FRMPD1: variants seen among roughly 807,000 people sequenced by gnomAD.
The protein encoded by FRMPD1 is FERM and PDZ domain containing 1, also known as FERM and PDZ domain-containing protein 1.
A neutral mutation model predicts 117.8 loss-of-function variants in FRMPD1; 76 were observed. That is an observed-to-expected ratio of 0.65 (90% CI 0.54 to 0.78). The LOEUF is 0.78. Ranked by LOEUF, FRMPD1 falls within the 30% of genes least tolerant of loss-of-function variation. FRMPD1 has a pLI of 0.00. For synonymous variants in FRMPD1, 783 were observed against 770.4 expected (o/e 1.02, Z -0.27); for missense variants, 1,786 against 1,964.5 (o/e 0.91, Z 1.72).
chr9:37,707,273 A>G, intron 2 of FRMPD1, 143 bp from the exon 3 acceptor site: 1 of 614,644 alleles, frequency 1.6e-6, no homozygotes, highest in African/African-American at 1.8e-5. Context: ...CTGCTAGTGG[A>G]GTTGGTGTCT....
intron 4 of FRMPD1, among the ~76,000 whole-genome samples, chr9:37,710,959 C>CAAAA (rs33962036): frequency 3.7e-5 from 4 of 106,940 alleles, no homozygotes; most frequent in Non-Finnish European, 4.0e-5. Context: ...CTCTGTCTCA[C>CAAAA]AAAAAAAAAA....
chr9:37,731,137 G>A, intron 9 of FRMPD1, 34 bp downstream of exon 9: 2 of 1,606,464 alleles, frequency 1.2e-6, no homozygotes, highest in Non-Finnish European at 8.5e-7. Context: ...AATAACAGTG[G>A]TTGTTCTCAA....
At chr9:37,717,379 ATATTTTTT>A (rs1203206784) in intron 5 of FRMPD1, among the ~76,000 whole-genome samples, 1 of 113,900 alleles carries the variant, frequency 8.8e-6, no homozygotes, top group African/African-American at 3.5e-5. Context: ...GTATATATAT[ATATTTTTT>A]TTTTTTTTTT....
At chr9:37,660,311 T>C (rs960347190) in intron 1 of FRMPD1, among the ~76,000 whole-genome samples, 7 of 152,032 alleles carry the variant, frequency 4.6e-5, no homozygotes, top group Admixed American at 3.3e-4. Context: ...CAGGGAGATC[T>C]AGGAGGGCTT....
the FRMPD1 span, among the ~76,000 whole-genome samples, chr9:37,622,685 A>G: frequency 6.6e-6 from 1 of 152,242 alleles, no homozygotes; most frequent in African/African-American, 2.4e-5. Flanking sequence ...TGATTCAGCC[A>G]TTCAGCTTGT....
At chr9:37,685,396 C>A (rs1252757367) in intron 1 of FRMPD1, among the ~76,000 whole-genome samples, 2 of 152,164 alleles carry the variant, frequency 1.3e-5, no homozygotes, top group East Asian at 3.9e-4. Context: ...GTAATCCCAG[C>A]ACTTTGGGAG....
chr9:37,660,397 T>G (rs1719631892), intron 1 of FRMPD1, among the ~76,000 whole-genome samples: 1 of 151,896 alleles, frequency 6.6e-6, no homozygotes, highest in Admixed American at 6.6e-5. Flanking sequence ...GATAGAACAG[T>G]GTATCCAAAG....
chr9:37,648,244 A>C (rs1054531890), upstream of FRMPD1, among the ~76,000 whole-genome samples: 1 of 152,000 alleles, frequency 6.6e-6, no homozygotes, highest in Admixed American at 6.5e-5. Flanking sequence ...ATTTGAACCT[A>C]GGCAGTTTGG....
intron 15 of FRMPD1, among the ~76,000 whole-genome samples, chr9:37,742,323 A>G (rs531287169): frequency 1.4e-3 from 220 of 152,338 alleles, no homozygotes; most frequent in African/African-American, 5.0e-3. Flanking sequence ...TGTGGCAGAA[A>G]CCATCAGTCA....
chr9:37,713,520 G>A (rs1169672792), intron 5 of FRMPD1, among the ~76,000 whole-genome samples: 1 of 152,002 alleles, frequency 6.6e-6, no homozygotes, highest in Non-Finnish European at 1.5e-5. Flanking sequence ...AGCCCAGGAA[G>A]TCGAGGCTGC....
rs372911565 is a variant in FRMPD1, at chr9:37,733,619, C to G, written c.1122+20C>G. ...CAGAAGGTAATGAAGGTGCCTCTGC[C>G]GACCCACTCAGCTGTCGTCTGTGAA... On this transcript the variant is annotated intron_variant, in intron 11 of 15. Transcript: ENST00000377765. The G allele has an allele frequency of 1.9e-6, 3 of 1,612,912 alleles. No individual in the cohort carries two copies. The South Asian group carries it at 3.3e-5, about 18-fold the overall frequency.
In FRMPD1 at chr9:37,740,730, G is replaced by A. The variant is rs756025044; in HGVS notation, c.2202G>A (p.Pro734=). 2.1e-5 allele frequency: 34 copies of A among 1,613,970 alleles called. No homozygotes were observed. In the East Asian group the frequency reaches 4.9e-4, roughly 23 times the overall value. The change falls in exon 15 of 16, where the codon CCG becomes CCA. Residue 734 remains proline, a synonymous_variant. Transcript: ENST00000377765. This position sits in a 1 kb window ranked among gnomAD's most constrained non-coding sequence, Gnocchi z 4.2. ...ESTASRQGGA[P]PAWGQQGWTE... is the part of the protein sequence containing the mutation. ...CAGCTTCCCGGCAAGGGGGAGCCCCGCCAGCCTGGGGTCAGCAGGGCTGGA... is the reference window on the plus strand; with the variant it reads ...CAGCTTCCCGGCAAGGGGGAGCCCCACCAGCCTGGGGTCAGCAGGGCTGGA...
intron 12 of FRMPD1, 79 bp downstream of exon 12, chr9:37,733,904 C>T: frequency 3.6e-6 from 3 of 838,340 alleles, no homozygotes; most frequent in Non-Finnish European, 2.1e-6. Context: ...GTCTTTTAGC[C>T]TAAAATTCCT....
At chr9:37,685,518 G>A (rs924299574) in intron 1 of FRMPD1, among the ~76,000 whole-genome samples, 93 of 152,240 alleles carry the variant, frequency 6.1e-4, no homozygotes, top group African/African-American at 1.8e-3. Context: ...CGGGCGTGGT[G>A]GCGGGCGCCT....
the FRMPD1 span, among the ~76,000 whole-genome samples, chr9:37,621,170 G>A: frequency 0.011 from 1,702 of 152,260 alleles, 17 homozygotes; most frequent in Non-Finnish European, 0.016. Flanking sequence ...GGAGGATAAA[G>A]GAGGCAGGGG....
At chr9:37,618,821 A>G in the FRMPD1 span, among the ~76,000 whole-genome samples, 3 of 152,202 alleles carry the variant, frequency 2.0e-5, no homozygotes, top group East Asian at 5.8e-4. Context: ...CACCTTTCAA[A>G]GCTCCTCTCA....
chr9:37,659,963 C>T (rs989475585), intron 1 of FRMPD1, among the ~76,000 whole-genome samples: 7 of 146,306 alleles, frequency 4.8e-5, no homozygotes, highest in South Asian at 4.4e-4. Flanking sequence ...AGAAGAGCTG[C>T]GTCTGGTGAA....
intron 1 of FRMPD1, among the ~76,000 whole-genome samples, chr9:37,689,852 T>C (rs1454565644): frequency 6.6e-6 from 1 of 152,200 alleles, no homozygotes; most frequent in Non-Finnish European, 1.5e-5. Flanking sequence ...CCAGCTTCCA[T>C]TGTTATTACT....
intron 5 of FRMPD1, among the ~76,000 whole-genome samples, chr9:37,713,120 T>G (rs2118194138): frequency 6.6e-6 from 1 of 152,270 alleles, no homozygotes; most frequent in East Asian, 1.9e-4. Context: ...GGGACTTTCA[T>G]TTGGATTTAA....
Sources: allele counts gnomAD v4.1 joint callset (sites outside exome capture counted in the v4.1 genomes callset), GRCh38; gene constraint gnomAD v4.1.1; non-coding constraint Gnocchi (gnomAD v3.1); transcripts MANE v1.5; gene names NCBI Gene and HGNC (gene_info 2026-07-23, HGNC 2026-07-21).